The following NSMCE2 variants were observed in gnomAD, a reference collection of about 807,000 sequenced individuals.
NSMCE2 encodes the protein NSE2 SUMO ligase component of SMC5/6 complex, also known as E3 SUMO-protein ligase NSE2.
A neutral mutation model predicts 23.8 loss-of-function variants in NSMCE2; 24 were observed. That is an observed-to-expected ratio of 1.01 (90% CI 0.73 to 1.42). The LOEUF (loss-of-function observed/expected upper bound fraction) is 1.42. Among genes scored for constraint, NSMCE2 ranks in the 40% most tolerant of loss-of-function variants. The pLI is 0.00. For missense variants in NSMCE2, 284 were observed against 296.5 expected (o/e 0.96, Z 0.31); for synonymous variants, 92 against 94.1 (o/e 0.98, Z 0.13).
rs567066435 is a variant in NSMCE2, at chr8:125,115,580, A to G, written c.157+13093A>G. Among the ~76,000 whole-genome samples the G allele has an allele frequency of 2.0e-5, 3 of 152,248 alleles. No homozygotes were observed. In the South Asian group the frequency reaches 6.2e-4, roughly 32 times the overall value. ...ACCCTAGCCAACACAGTGAAACCCC[A>G]TCTCTGCCAAAAATACAAAAATTAG... On this transcript the variant is annotated intron_variant, in intron 3 of 7. Transcript: ENST00000287437.
chr8:125,107,431 A>G (rs1055479162), intron 3 of NSMCE2, among the ~76,000 whole-genome samples: 1 of 151,858 alleles, frequency 6.6e-6, no homozygotes, highest in Non-Finnish European at 1.5e-5. Flanking sequence ...TGACCTCGTG[A>G]TCCACCCTCC....
At position 125,343,796 on chromosome 8, in the gene NSMCE2, C is replaced by A. The variant is rs112463841; in HGVS notation, c.419-13423C>A. On this transcript the variant is annotated intron_variant, in intron 5 of 7. Transcript: ENST00000287437. ...AGATCACAAGGTCAGGAGATTGAGA[C>A]CATCCTGGCTAATTCGGTGAAACCC... Among the ~76,000 whole-genome samples the A allele has an allele frequency of 6.1e-3, 923 of 152,000 alleles. 8 individuals are homozygous for A. The highest frequency in any genetic ancestry group is 0.022 in the African/African-American group (895 of 41,410).
At chr8:125,328,031 T>C (rs1829741671) in intron 5 of NSMCE2, among the ~76,000 whole-genome samples, 1 of 152,182 alleles carries the variant, frequency 6.6e-6, no homozygotes, top group African/African-American at 2.4e-5. Flanking sequence ...ACAAGGAAAA[T>C]CATTTTTTAA....
At chr8:125,117,551 T>G (rs1819069044) in intron 3 of NSMCE2, among the ~76,000 whole-genome samples, 1 of 150,038 alleles carries the variant, frequency 6.7e-6, no homozygotes, top group African/African-American at 2.4e-5. Context: ...TTATTTTATT[T>G]TTTTAAGAGA....
In NSMCE2 at chr8:125,102,492, G is replaced by C; in HGVS notation, c.157+5G>C. 1 of 1,612,522 alleles carries C rather than the reference G, an allele frequency of 6.2e-7. No individual in the cohort carries two copies. Among genetic ancestry groups the C allele is most frequent in the South Asian group, 1.1e-5 (1 of 91,030 alleles). On this transcript the variant is annotated splice_donor_5th_base_variant and intron_variant, in intron 3 of 7. Coordinates refer to ENST00000287437, the MANE Select transcript of NSMCE2 (RefSeq NM_173685.4). Reference sequence around the variant, plus strand: ...TGGATCTTGTGGAAAGTCAGAGTAAGTAAAATTAAAACCTCTTTTGTGTCT... The same window carrying C: ...TGGATCTTGTGGAAAGTCAGAGTAACTAAAATTAAAACCTCTTTTGTGTCT...
At chr8:125,092,367 CTG>C (rs890503319) in intron 1 of NSMCE2, among the ~76,000 whole-genome samples, 2 of 152,136 alleles carry the variant, frequency 1.3e-5, no homozygotes, top group African/African-American at 2.4e-5. Flanking sequence ...ATGATGATGT[CTG>C]TTGTTATTTT....
intron 4 of NSMCE2, among the ~76,000 whole-genome samples, chr8:125,161,757 A>C (rs1273838244): frequency 1.3e-5 from 2 of 150,336 alleles, no homozygotes; most frequent in Non-Finnish European, 2.9e-5. Flanking sequence ...GCACCACTGC[A>C]CTCCAGCTTG....
At chr8:125,117,432 C>T (rs1274990530) in intron 3 of NSMCE2, among the ~76,000 whole-genome samples, 4 of 152,164 alleles carry the variant, frequency 2.6e-5, no homozygotes, top group African/African-American at 9.7e-5. Flanking sequence ...AGTGTTCCTC[C>T]TTCCTAAGAT....
At chr8:125,250,232 C>T (rs903929892) in intron 5 of NSMCE2, among the ~76,000 whole-genome samples, 10 of 152,072 alleles carry the variant, frequency 6.6e-5, no homozygotes, top group East Asian at 3.9e-4. Flanking sequence ...TTGGGTGATC[C>T]GCCTGCCTTG....
intron 3 of NSMCE2, among the ~76,000 whole-genome samples, chr8:125,112,200 C>T (rs1020544937): frequency 4.6e-5 from 7 of 152,180 alleles, no homozygotes; most frequent in African/African-American, 1.4e-4. Context: ...GATTATTAAA[C>T]ATATATACTT....
At chr8:125,346,346 G>A (rs991935155) in intron 5 of NSMCE2, among the ~76,000 whole-genome samples, 10 of 152,330 alleles carry the variant, frequency 6.6e-5, no homozygotes, top group East Asian at 3.9e-4. Flanking sequence ...GATAAAGATG[G>A]AGAATGGACA....
intron 5 of NSMCE2, among the ~76,000 whole-genome samples, chr8:125,278,438 G>A (rs1487656103): frequency 6.6e-6 from 1 of 152,226 alleles, no homozygotes; most frequent in Non-Finnish European, 1.5e-5. Context: ...TGCAGAGGAA[G>A]CGAAGGCAAG....
At chr8:125,263,278 G>A (rs1826776121) in intron 5 of NSMCE2, among the ~76,000 whole-genome samples, 1 of 152,140 alleles carries the variant, frequency 6.6e-6, no homozygotes, top group South Asian at 2.1e-4. Context: ...AGGGATCTAT[G>A]TAGGTATGTC....
At chr8:125,270,993 G>A (rs1384362978) in intron 5 of NSMCE2, 1 of 152,336 alleles carries the variant, frequency 6.6e-6, no homozygotes, top group East Asian at 1.9e-4. Context: ...CAGGAGTGGT[G>A]GCTCATGCCT....
chr8:125,267,187 T>C (rs1826957160), intron 5 of NSMCE2, among the ~76,000 whole-genome samples: 1 of 151,930 alleles, frequency 6.6e-6, no homozygotes, highest in Admixed American at 6.6e-5. Context: ...TTTGTATTTT[T>C]AGTAGAGACA....
At chr8:125,298,548 C>T (rs529531642) in intron 5 of NSMCE2, among the ~76,000 whole-genome samples, 205 of 152,248 alleles carry the variant, frequency 1.3e-3, no homozygotes, top group African/African-American at 4.7e-3. Context: ...CAGGATAATG[C>T]GGGAAATTTA....
rs78030471 is a variant in NSMCE2, at chr8:125,336,120, G to A, written c.419-21099G>A. On this transcript the variant is annotated intron_variant, in intron 5 of 7. Coordinates refer to ENST00000287437, the MANE Select transcript of NSMCE2 (RefSeq NM_173685.4). ...CCTGGTAGAAAGGAACCATTGATAT[G>A]GCTTTGAAGATAGGAAGGACAGAGC... Among the ~76,000 whole-genome samples, 72 of 152,170 alleles carry A rather than the reference G, an allele frequency of 4.7e-4. No homozygotes were observed. In the East Asian group the frequency reaches 0.013, roughly 28 times the overall value.
At chr8:125,241,965 T>G (rs1014457734) in intron 5 of NSMCE2, among the ~76,000 whole-genome samples, 1 of 152,158 alleles carries the variant, frequency 6.6e-6, no homozygotes, top group African/African-American at 2.4e-5. Context: ...TTACCAGAAA[T>G]GGAACAGACA....
chr8:125,153,509 A>G (rs1821153459), intron 4 of NSMCE2, among the ~76,000 whole-genome samples: 1 of 152,192 alleles, frequency 6.6e-6, no homozygotes, highest in Non-Finnish European at 1.5e-5. Context: ...GAAGCTAAGG[A>G]TACTGCTATC....
Sources: gnomAD v4.1 joint callset for allele counts (sites outside exome capture counted in the v4.1 genomes callset) on GRCh38, gnomAD v4.1.1 for gene constraint, MANE v1.5 for transcripts, NCBI Gene and HGNC (gene_info 2026-07-23, HGNC 2026-07-21) for gene names.